KYAT3: variants seen among roughly 807,000 people sequenced by gnomAD.
KYAT3 encodes the protein kynurenine aminotransferase 3, also known as kynurenine--oxoglutarate transaminase 3.
KYAT3 carries 50 observed loss-of-function variants against 59.0 expected under a neutral mutation model. The observed-to-expected ratio is 0.85, with a 90% CI of 0.68 to 1.07. The LOEUF (loss-of-function observed/expected upper bound fraction) is 1.07. Ranked by LOEUF, KYAT3 falls within the 50% of genes least tolerant of loss-of-function variation. The probability of loss-of-function intolerance (pLI) is 0.00; values close to 1 mark genes in which losing one functional copy is unlikely to be tolerated. For missense variants in KYAT3, 497 were observed against 533.3 expected, an observed-to-expected ratio of 0.93 and a Z score of 0.67; for synonymous variants, 148 against 177.0, an observed-to-expected ratio of 0.84 and a Z score of 1.30.
the KYAT3 span, among the ~76,000 whole-genome samples, chr1:88,924,644 C>T: frequency 3.9e-5 from 6 of 152,176 alleles, no homozygotes; most frequent in Non-Finnish European, 8.8e-5. Flanking sequence ...AGCTTTTGCT[C>T]GCCGTCTACC....
At chr1:88,955,271 C>A in intron 8 of KYAT3, 46 bp from the exon 9 acceptor site, 2 of 1,104,150 alleles carry the variant, frequency 1.8e-6, no homozygotes, top group South Asian at 2.5e-5. Context: ...TCCAATTAAT[C>A]ACATTTAGTA....
the KYAT3 span, among the ~76,000 whole-genome samples, chr1:88,926,439 A>T: frequency 1.3e-5 from 2 of 152,008 alleles, no homozygotes; most frequent in Non-Finnish European, 2.9e-5. Flanking sequence ...TCACCCCCAC[A>T]ATTAGTTGAG....
intron 9 of KYAT3, among the ~76,000 whole-genome samples, chr1:88,954,709 T>C (rs1675831586): frequency 6.6e-6 from 1 of 152,188 alleles, no homozygotes; most frequent in Non-Finnish European, 1.5e-5. Context: ...TAAGCAAAGA[T>C]CACCAGGTAT....
chr1:88,985,735 G>A (rs1344697289), intron 2 of KYAT3, among the ~76,000 whole-genome samples: 1 of 152,114 alleles, frequency 6.6e-6, no homozygotes, highest in African/African-American at 2.4e-5. Context: ...ATAGTTCATG[G>A]CATACAATAT....
intron 8 of KYAT3, among the ~76,000 whole-genome samples, chr1:88,958,247 G>A (rs1675999078): frequency 6.6e-6 from 1 of 152,042 alleles, no homozygotes; most frequent in African/African-American, 2.4e-5. Flanking sequence ...CCTGGTTAAA[G>A]GTCTCATCAC....
intron 8 of KYAT3, 80 bp downstream of exon 8, chr1:88,961,087 G>T: frequency 7.0e-7 from 1 of 1,431,214 alleles, no homozygotes; most frequent in Non-Finnish European, 9.7e-7. Flanking sequence ...TTTTAGAGTT[G>T]GTCTGGGATG....
chr1:88,988,170 A>T, intron 2 of KYAT3, 82 bp downstream of exon 2: 2 of 858,920 alleles, frequency 2.3e-6, no homozygotes, highest in Non-Finnish European at 3.7e-6. Flanking sequence ...AAGTATTTGT[A>T]AAAAAGCATC....
intron 13 of KYAT3, among the ~76,000 whole-genome samples, chr1:88,942,569 A>AT (rs958903974): frequency 3.6e-4 from 53 of 148,310 alleles, no homozygotes; most frequent in African/African-American, 3.9e-4. Context: ...TAAGCAGTTA[A>AT]TTTTTTTTTT....
intron 2 of KYAT3, among the ~76,000 whole-genome samples, chr1:88,977,784 A>G (rs1350431258): frequency 6.6e-6 from 1 of 152,196 alleles, no homozygotes; most frequent in Non-Finnish European, 1.5e-5. Flanking sequence ...CTATTCATGG[A>G]AAGTGCTCTA....
At chr1:88,977,747 G>T (rs1228217891) in intron 2 of KYAT3, among the ~76,000 whole-genome samples, 1 of 152,132 alleles carries the variant, frequency 6.6e-6, no homozygotes, top group East Asian at 1.9e-4. Context: ...CTCACTCACT[G>T]ACCCACCCAG....
chr1:88,984,070 T>C (rs1249516423), intron 2 of KYAT3: 2 of 573,868 alleles, frequency 3.5e-6, no homozygotes, highest in East Asian at 2.9e-5. Context: ...AATGTTCCTG[T>C]AATGGTGGAA....
intron 2 of KYAT3, chr1:88,980,696 C>T (rs1677039602): frequency 6.6e-6 from 1 of 152,268 alleles, no homozygotes; most frequent in African/African-American, 2.4e-5. Flanking sequence ...AATATTCATT[C>T]ATATTTGGTA....
chr1:88,926,533 C>T, the KYAT3 span, among the ~76,000 whole-genome samples: 6 of 152,144 alleles, frequency 3.9e-5, no homozygotes, highest in East Asian at 7.7e-4. Context: ...CCAGGCTGGT[C>T]GCAAACTCCT....
At chr1:88,923,970 G>A in the KYAT3 span, 1 of 161,530 alleles carries the variant, frequency 6.2e-6, no homozygotes, top group Non-Finnish European at 1.3e-5. Context: ...TCTTATGGCA[G>A]AATTCAACGA....
At chr1:88,925,953 C>T in the KYAT3 span, among the ~76,000 whole-genome samples, 39 of 152,196 alleles carry the variant, frequency 2.6e-4, no homozygotes, top group African/African-American at 8.9e-4. Flanking sequence ...AGGGCGTAGC[C>T]GAAAGCACTG....
intron 10 of KYAT3, among the ~76,000 whole-genome samples, chr1:88,949,725 TC>T (rs1384004629): frequency 1.3e-5 from 2 of 152,214 alleles, no homozygotes; most frequent in African/African-American, 4.8e-5. Context: ...TTTCTTATTC[TC>T]CATAGGTGTG....
chr1:88,922,012 CA>C, the KYAT3 span, among the ~76,000 whole-genome samples: 1 of 152,178 alleles, frequency 6.6e-6, no homozygotes, highest in Admixed American at 6.5e-5. Context: ...GTGGCCTAGC[CA>C]AGTTGACAGA....
intron 8 of KYAT3, among the ~76,000 whole-genome samples, chr1:88,958,860 AAAGT>A (rs1307540202): frequency 6.6e-6 from 1 of 152,190 alleles, no homozygotes; most frequent in Non-Finnish European, 1.5e-5. Flanking sequence ...ATCTACCACT[AAAGT>A]AAGTTTCAGA....
downstream of KYAT3, among the ~76,000 whole-genome samples, chr1:88,935,017 G>A (rs375646608): frequency 8.5e-6 from 1 of 117,546 alleles, no homozygotes; most frequent in African/African-American, 3.1e-5. Context: ...TTTTTGAGAT[G>A]GAGTTTCACT....
Sources: allele counts gnomAD v4.1 joint callset (sites outside exome capture counted in the v4.1 genomes callset), GRCh38; gene constraint gnomAD v4.1.1; transcripts MANE v1.5; gene names NCBI Gene and HGNC (gene_info 2026-07-23, HGNC 2026-07-21).